The following ITSN1 variants were observed in gnomAD, a reference collection of about 807,000 sequenced individuals.
The protein encoded by ITSN1 is intersectin 1, also known as intersectin-1.
ITSN1 carries 58 observed loss-of-function variants against 239.8 expected under a neutral mutation model. The ratio of observed to expected loss-of-function variants is 0.24; its 90% CI spans 0.20 to 0.30. ITSN1 has a LOEUF of 0.30. Among genes scored for constraint, ITSN1 ranks in the 10% least tolerant of loss-of-function variants. ITSN1 has a pLI of 1.00. For synonymous variants in ITSN1, 780 were observed against 770.8 expected, an observed-to-expected ratio of 1.01 and a Z score of -0.20; for missense variants, 1,558 against 2,103.3, an observed-to-expected ratio of 0.74 and a Z score of 5.07.
At chr21:33,781,393 C>A in intron 14 of ITSN1, 68 bp from the exon 15 acceptor site, 1 of 849,896 alleles carries the variant, frequency 1.2e-6, no homozygotes, top group Non-Finnish European at 2.0e-6. Flanking sequence ...TTAAGCTCTG[C>A]CTGGATCTTA....
chr21:33,746,231 G>T (rs1174427042), intron 5 of ITSN1, among the ~76,000 whole-genome samples: 1 of 152,152 alleles, frequency 6.6e-6, no homozygotes, highest in African/African-American at 2.4e-5. Context: ...AACCTTCAGG[G>T]GGAAAATCAG....
intron 1 of ITSN1, among the ~76,000 whole-genome samples, chr21:33,686,601 C>G (rs2091251917): frequency 6.6e-6 from 1 of 152,150 alleles, no homozygotes; most frequent in Non-Finnish European, 1.5e-5. Context: ...GTTTCACAGT[C>G]TGTGTGACCA....
intron 4 of ITSN1, among the ~76,000 whole-genome samples, chr21:33,730,388 CTTTTTTTTTTTTTT>C (rs71194863): frequency 8.9e-4 from 44 of 49,370 alleles, no homozygotes; most frequent in Non-Finnish European, 4.7e-4. Context: ...GCTCTCTGTT[CTTTTTTTTTTTTTT>C]TTTTTTTTTT....
At chr21:33,739,048 G>T (rs1045948101) in intron 5 of ITSN1, among the ~76,000 whole-genome samples, 1 of 152,152 alleles carries the variant, frequency 6.6e-6, no homozygotes, top group Non-Finnish European at 1.5e-5. Flanking sequence ...TCCCATTTTG[G>T]CTTCCCAAAG....
intron 26 of ITSN1, chr21:33,829,073 G>C (rs1348550995): frequency 4.4e-6 from 2 of 454,958 alleles, no homozygotes; most frequent in African/African-American, 2.0e-5. Context: ...GAAGAAGGCT[G>C]TGTCGTTGGG....
At chr21:33,709,189 T>C (rs1415333327) in intron 1 of ITSN1, among the ~76,000 whole-genome samples, 1 of 152,230 alleles carries the variant, frequency 6.6e-6, no homozygotes, top group African/African-American at 2.4e-5. Flanking sequence ...GGGATTGCAT[T>C]GAATATACAA....
rs547665234 is a variant in ITSN1, at chr21:33,683,467, A to G, written c.-32-35330A>G. On this transcript the variant is annotated intron_variant, in intron 1 of 39. Coordinates refer to ENST00000381318, the MANE Select transcript of ITSN1 (RefSeq NM_003024.3). ...AAGCAAGCCATTGTACAAGTTCCCC[A>G]TGCCTAGTTGTTTTGCATCATTAAT... 8.5e-5 allele frequency among the ~76,000 whole-genome samples: 13 copies of G among 152,240 alleles called. No homozygotes were observed. The South Asian group carries it at 2.3e-3, about 27-fold the overall frequency.
chr21:33,751,468 T>C (rs1200945378), intron 6 of ITSN1, among the ~76,000 whole-genome samples: 1 of 152,228 alleles, frequency 6.6e-6, no homozygotes, highest in Non-Finnish European at 1.5e-5. Context: ...GCTCCTTCAG[T>C]GCAGTGAATA....
At chr21:33,880,492 G>A (rs1456329979) in intron 34 of ITSN1, among the ~76,000 whole-genome samples, 1 of 152,146 alleles carries the variant, frequency 6.6e-6, no homozygotes. Flanking sequence ...CACCACCTTC[G>A]GTCTTTCTTG....
intron 4 of ITSN1, among the ~76,000 whole-genome samples, chr21:33,725,987 G>A (rs566356829): frequency 6.6e-6 from 1 of 152,030 alleles, no homozygotes; most frequent in East Asian, 1.9e-4. Context: ...AGGTTTTTTT[G>A]TTTGTTTGTT....
chr21:33,773,661 A>C (rs2069359475), intron 12 of ITSN1, among the ~76,000 whole-genome samples: 1 of 152,140 alleles, frequency 6.6e-6, no homozygotes, highest in South Asian at 2.1e-4. Context: ...AAAAGAAAGA[A>C]ACAAAACTTA....
rs965193796 is a variant in ITSN1, at chr21:33,724,894, A to T, written c.185+2243A>T. The stretch of plus-strand genomic sequence containing the variant: ...GGTCTCGAACTCCTGGACTCAGGCC[A>T]TCTTCCTGCCTTTGCCTCCCAAAGT... On this transcript the variant is annotated intron_variant, in intron 4 of 39. Coordinates refer to ENST00000381318, the MANE Select transcript of ITSN1 (RefSeq NM_003024.3). Among the ~76,000 whole-genome samples the T allele has an allele frequency of 6.6e-5, 10 of 152,036 alleles. No homozygotes were observed. The South Asian group carries it at 2.1e-3, about 32-fold the overall frequency.
intron 20 of ITSN1, among the ~76,000 whole-genome samples, chr21:33,805,907 C>T (rs1024004561): frequency 2.7e-5 from 4 of 146,988 alleles, no homozygotes; most frequent in Non-Finnish European, 4.5e-5. Context: ...CTCCTGACCT[C>T]AGAAAGAGTT....
intron 25 of ITSN1, among the ~76,000 whole-genome samples, chr21:33,824,560 T>C (rs972106402): frequency 2.0e-5 from 3 of 151,910 alleles, no homozygotes; most frequent in African/African-American, 7.3e-5. Flanking sequence ...TTCTCAGGAG[T>C]GAGCAAGTGG....
intron 31 of ITSN1, among the ~76,000 whole-genome samples, chr21:33,864,097 TAATATA>T (rs1410794971): frequency 1.3e-5 from 2 of 152,256 alleles, no homozygotes; most frequent in East Asian, 3.8e-4. Flanking sequence ...TTTTAAAGCC[TAATATA>T]AATATTGCAG....
At chr21:33,796,033 G>A (rs184516144) in intron 17 of ITSN1, among the ~76,000 whole-genome samples, 30 of 150,410 alleles carry the variant, frequency 2.0e-4, no homozygotes, top group East Asian at 2.0e-4. Context: ...GCACGATCTC[G>A]GCTCACTGCA....
At chr21:33,721,346 C>A in intron 3 of ITSN1, 76 bp downstream of exon 3, 2 of 924,364 alleles carry the variant, frequency 2.2e-6, no homozygotes, top group Non-Finnish European at 3.5e-6. Context: ...CATGCAAAGA[C>A]GAGATGGGCA....
intron 1 of ITSN1, among the ~76,000 whole-genome samples, chr21:33,654,493 A>G (rs2146176711): frequency 6.6e-6 from 1 of 152,274 alleles, no homozygotes; most frequent in Middle Eastern, 3.4e-3. Context: ...CTGTGTGATG[A>G]GAACCTTTGG....
intron 12 of ITSN1, 152 bp downstream of exon 12, chr21:33,772,475 A>G (rs1457811540): frequency 2.1e-6 from 2 of 968,002 alleles, no homozygotes; most frequent in Non-Finnish European, 3.0e-6. Flanking sequence ...CCCTAATTCC[A>G]GAACATTTTC....
Sources: allele counts gnomAD v4.1 joint callset (sites outside exome capture counted in the v4.1 genomes callset), GRCh38; gene constraint gnomAD v4.1.1; transcripts MANE v1.5; gene names NCBI Gene and HGNC (gene_info 2026-07-23, HGNC 2026-07-21).